The following TMEM106B variants were observed in gnomAD, a reference collection of about 807,000 sequenced individuals.
TMEM106B encodes the protein transmembrane protein 106B.
Under a neutral mutation model 31.1 loss-of-function variants are expected in TMEM106B, and 15 were observed. The observed-to-expected ratio is 0.48, with a 90% confidence interval of 0.32 to 0.74. The LOEUF is 0.74. TMEM106B is among the 30% of genes least tolerant of loss of function. The pLI is 0.03. For synonymous variants in TMEM106B, 126 were observed against 112.5 expected, an observed-to-expected ratio of 1.12 and a Z score of -0.76; for missense variants, 283 against 327.3, an observed-to-expected ratio of 0.86 and a Z score of 1.04.
intron 3 of TMEM106B, among the ~76,000 whole-genome samples, chr7:12,219,409 A>T (rs1020880818): frequency 6.6e-6 from 1 of 152,226 alleles, no homozygotes; most frequent in African/African-American, 2.4e-5. Context: ...CCTTTTCTTG[A>T]AAGTACAAAA....
At chr7:12,221,334 G>A (rs984592724) in intron 3 of TMEM106B, among the ~76,000 whole-genome samples, 3 of 152,086 alleles carry the variant, frequency 2.0e-5, no homozygotes, top group African/African-American at 7.2e-5. Flanking sequence ...ATTTTAAACT[G>A]TACTTAATAG....
At chr7:12,231,626 T>C (rs7808568) in intron 7 of TMEM106B, 190,869 of 401,110 alleles carry the variant, frequency 0.48, 48,163 homozygotes, top group African/African-American at 0.7. Context: ...ACACTTATTA[T>C]GTGTAATTAT....
At chr7:12,230,026 G>A (rs568631142) in intron 5 of TMEM106B, among the ~76,000 whole-genome samples, 2 of 149,120 alleles carry the variant, frequency 1.3e-5, no homozygotes, top group Non-Finnish European at 3.0e-5. Flanking sequence ...AGACCAGCCT[G>A]GGCAACATGG....
At chr7:12,213,340 G>A (rs982582024) in intron 1 of TMEM106B, among the ~76,000 whole-genome samples, 5 of 152,030 alleles carry the variant, frequency 3.3e-5, no homozygotes, top group African/African-American at 1.2e-4. Flanking sequence ...TATTGTTGTT[G>A]CGAGTGTTTA....
chr7:12,221,345 T>C (rs1170427357), intron 3 of TMEM106B, among the ~76,000 whole-genome samples: 1 of 152,210 alleles, frequency 6.6e-6, no homozygotes, highest in African/African-American at 2.4e-5. Flanking sequence ...TACTTAATAG[T>C]TGCATTATTA....
intron 3 of TMEM106B, among the ~76,000 whole-genome samples, chr7:12,219,659 G>C (rs907634798): frequency 6.6e-6 from 1 of 152,026 alleles, no homozygotes; most frequent in Non-Finnish European, 1.5e-5. Context: ...TGTGCAAAGA[G>C]AATTTACAGA....
At chr7:12,223,749 C>G (rs1166509999) in intron 3 of TMEM106B, among the ~76,000 whole-genome samples, 5 of 138,150 alleles carry the variant, frequency 3.6e-5, no homozygotes, top group Admixed American at 1.5e-4. Flanking sequence ...GGTACAGAGT[C>G]TCGCTCTCTC....
At position 12,234,000 on chromosome 7, in the gene TMEM106B, TAA is replaced by T. The variant is rs79340241; in HGVS notation, c.*2033_*2034del. 2 of 150,978 alleles carry T rather than the reference TAA, an allele frequency of 1.3e-5. No homozygotes were observed. Among genetic ancestry groups the T allele is most frequent in the African/African-American group, 4.8e-5 (2 of 41,246 alleles). 9.4% of individuals were successfully genotyped at this position (150,978 alleles called of 1,614,324 possible). On this transcript the variant is annotated 3_prime_UTR_variant, in exon 8 of 8. Coordinates refer to ENST00000396668, the MANE Select transcript of TMEM106B (RefSeq NM_001134232.2). ...TTACACATTTAGTGACTGTGTAAAA[TAA>T]AAAAAAAGTTATTTTATCATATCCT...
Position 12,235,257 on chromosome 7 carries a change from A to G in TMEM106B, c.*3282A>G, listed in dbSNP as rs1054597003. On this transcript the variant is annotated 3_prime_UTR_variant, in exon 8 of 8. Transcript: ENST00000396668. ...GATCCATTGTCTAAGGAAATTATTT[A>G]TAAATAATAGAGATTAATTTATTTG... is the stretch of plus-strand genomic sequence containing the variant. The G allele has an allele frequency of 1.3e-5, 2 of 152,362 alleles. No individual in the cohort carries two copies. The highest frequency in any genetic ancestry group is 1.3e-4 in the Admixed American group (2 of 15,234). 9.4% of individuals were successfully genotyped at this position (152,362 alleles called of 1,614,324 possible).
At chr7:12,221,087 A>AGTGTGTGT (rs71027479) in intron 3 of TMEM106B, among the ~76,000 whole-genome samples, 36,598 of 149,940 alleles carry the variant, frequency 0.24, 4,460 homozygotes, top group African/African-American at 0.28. Flanking sequence ...AAGCAAGTAA[A>AGTGTGTGT]GTGTGTGTGT....
intron 1 of TMEM106B, among the ~76,000 whole-genome samples, chr7:12,212,624 T>C (rs1278458715): frequency 6.6e-6 from 1 of 152,178 alleles, no homozygotes; most frequent in Non-Finnish European, 1.5e-5. Flanking sequence ...TATTTTTTTA[T>C]CTTTGTATTT....
In TMEM106B at chr7:12,234,000, TAAAAA is replaced by T. The variant is rs79340241; in HGVS notation, c.*2030_*2034del. On this transcript the variant is annotated 3_prime_UTR_variant, in exon 8 of 8. Transcript: ENST00000396668. ...TTACACATTTAGTGACTGTGTAAAA[TAAAAA>T]AAAAGTTATTTTATCATATCCTTTC... 4.6e-5 allele frequency: 7 copies of T among 150,978 alleles called. No homozygotes were observed. Among genetic ancestry groups the T allele is most frequent in the Non-Finnish European group, 1.5e-5 (1 of 67,428 alleles). 9.4% of individuals were successfully genotyped at this position (150,978 alleles called of 1,614,324 possible). A position where few individuals can be genotyped will look rare whatever the true frequency, so the allele number is the denominator to read the frequency against.
chr7:12,219,385 C>G (rs537825369), intron 3 of TMEM106B, among the ~76,000 whole-genome samples: 9 of 152,304 alleles, frequency 5.9e-5, no homozygotes, highest in African/African-American at 2.2e-4. Context: ...CATATTCCAT[C>G]ACCGCAAATG....
At chr7:12,211,593 T>C (rs1781576552) in intron 1 of TMEM106B, 168 bp downstream of exon 1, 1 of 152,404 alleles carries the variant, frequency 6.6e-6, no homozygotes, top group Non-Finnish European at 1.5e-5. Flanking sequence ...GTGTCGCCTC[T>C]AATGAGGCCC....
chr7:12,225,176 G>A (rs554025549), intron 4 of TMEM106B, among the ~76,000 whole-genome samples: 6 of 152,142 alleles, frequency 3.9e-5, no homozygotes, highest in East Asian at 1.9e-4. Context: ...CTTCATCCAC[G>A]TCCCTACAAA....
intron 4 of TMEM106B, among the ~76,000 whole-genome samples, chr7:12,229,421 A>C (rs907909687): frequency 6.6e-6 from 1 of 152,196 alleles, no homozygotes; most frequent in African/African-American, 2.4e-5. Context: ...AATAGGAAAC[A>C]GCTTACTAAT....
At chr7:12,220,082 T>G (rs566736733) in intron 3 of TMEM106B, among the ~76,000 whole-genome samples, 4 of 152,166 alleles carry the variant, frequency 2.6e-5, no homozygotes, top group Non-Finnish European at 4.4e-5. Context: ...ACATGCTGCT[T>G]CTTGACTACA....
Position 12,214,921 on chromosome 7 carries a change from T to C in TMEM106B, c.111T>C (p.Asn37=). The C allele has an allele frequency of 6.2e-7, 1 of 1,614,098 alleles. No homozygotes were observed. The highest frequency in any genetic ancestry group is 8.5e-7 in the Non-Finnish European group (1 of 1,179,972). The stretch of plus-strand genomic sequence containing the variant: ...GACTGGTTAATAGTGAAGTCCATAA[T>C]GAAGATGGAAGAAATGGAGATGTCT... ...RNGLVNSEVH[N]EDGRNGDVSQ... is the part of the protein sequence containing the mutation. The change falls in exon 2 of 8, where the codon AAT becomes AAC. Residue 37 remains asparagine, a synonymous_variant. Transcript: ENST00000396668.
intron 2 of TMEM106B, among the ~76,000 whole-genome samples, chr7:12,216,892 T>C (rs537272527): frequency 5.3e-5 from 8 of 152,264 alleles, no homozygotes; most frequent in African/African-American, 1.4e-4. Context: ...TAAAGACGTG[T>C]AGCATGTATA....
Sources: gnomAD v4.1 joint callset for allele counts (sites outside exome capture counted in the v4.1 genomes callset) on GRCh38, gnomAD v4.1.1 for gene constraint, MANE v1.5 for transcripts, NCBI Gene and HGNC (gene_info 2026-07-23, HGNC 2026-07-21) for gene names.